The following VSIG10 variants were observed in gnomAD, a reference collection of about 807,000 sequenced individuals.
VSIG10 encodes the protein V-set and immunoglobulin domain-containing protein 10.
Under a neutral mutation model 58.7 loss-of-function variants are expected in VSIG10, and 48 were observed. The ratio of observed to expected loss-of-function variants is 0.82; its 90% CI spans 0.65 to 1.04. The LOEUF is 1.04. Among genes scored for constraint, VSIG10 ranks in the 50% least tolerant of loss-of-function variants. VSIG10 has a pLI of 0.00. For missense variants in VSIG10, 628 were observed against 670.0 expected (o/e 0.94, Z 0.69); for synonymous variants, 260 against 267.1 (o/e 0.97, Z 0.26).
intron 4 of VSIG10, 67 bp from the exon 5 acceptor site, chr12:118,074,059 G>GGAA (rs2032612948): frequency 6.7e-7 from 1 of 1,482,330 alleles, no homozygotes; most frequent in Non-Finnish European, 9.0e-7. Flanking sequence ...GAGATCTGCA[G>GGAA]GAAAACTGCA....
At chr12:118,073,028 T>A (rs2032561603) in intron 5 of VSIG10, among the ~76,000 whole-genome samples, 1 of 152,304 alleles carries the variant, frequency 6.6e-6, no homozygotes, top group Admixed American at 6.5e-5. Context: ...CAAGCTGAAG[T>A]GCAGTGGTGT....
rs771151263 is a variant in VSIG10 at position 118,082,143 on chromosome 12, G to A, written c.648C>T (p.Thr216=). The change falls in exon 3 of 9, where the codon ACC becomes ACT. Residue 216 remains threonine (T), a synonymous_variant. Coordinates refer to ENST00000359236, the MANE Select transcript of VSIG10 (RefSeq NM_019086.6). ...QLSKRHRKVT[T]ELLVYYPPPS... is the part of the protein sequence containing the mutation. ...CTTACGCACAGTAGACCAGGAGCTC[G>A]GTGGTCACCTTTCGATGTCTCTTGC... 52 of 1,613,554 alleles carry A rather than the reference G, an allele frequency of 3.2e-5. No individual in the cohort carries two copies. The East Asian group carries it at 8.9e-4, about 28-fold the overall frequency.
chr12:118,096,437 G>A (rs190992271), intron 1 of VSIG10, among the ~76,000 whole-genome samples: 11 of 151,960 alleles, frequency 7.2e-5, no homozygotes, highest in Middle Eastern at 6.8e-3. Context: ...AATCAGCTGG[G>A]CGTGGTAGCA....
chr12:118,095,920 GTTCT>G (rs2033438840), intron 1 of VSIG10, 106 bp from the exon 2 acceptor site: 4 of 749,600 alleles, frequency 5.3e-6, no homozygotes, highest in Admixed American at 4.0e-5. Context: ...TCAGGTATAT[GTTCT>G]TTTTTTTTTT....
At chr12:118,091,742 TTTATTA>T (rs748680926) in intron 2 of VSIG10, among the ~76,000 whole-genome samples, 5 of 151,842 alleles carry the variant, frequency 3.3e-5, no homozygotes, top group African/African-American at 1.2e-4. Context: ...ATTTCCCTAT[TTTATTA>T]TTATTATTAT....
chr12:118,080,327 T>TC (rs1402250075), intron 3 of VSIG10, among the ~76,000 whole-genome samples: 1 of 151,530 alleles, frequency 6.6e-6, no homozygotes, highest in Admixed American at 6.6e-5. Context: ...ATTTATTTTT[T>TC]CATTTTTTTT....
chr12:118,073,818 C>T lies in VSIG10; in HGVS notation c.1100G>A (p.Gly367Asp), dbSNP rs1593498756. The stretch of plus-strand genomic sequence containing the variant: ...GTGGATAGTGAGGGTGGAGTTCTGG[C>T]CATCCTGGGTAATGAGATGGCGGCT... ...PSSRHLITQD[G>D]QNSTLTIHNC... Residue 367 changes from glycine (G) to aspartate (D), a missense_variant, in exon 5 of 9, where the codon GGC becomes GAC. Gly to Asp is a moderately conservative substitution (Grantham distance 94, BLOSUM62 -1). Coordinates refer to ENST00000359236, the MANE Select transcript of VSIG10 (RefSeq NM_019086.6). 4.3e-6 allele frequency: 7 copies of T among 1,613,914 alleles called. No individual in the cohort carries two copies. The highest frequency in any genetic ancestry group is 5.9e-6 in the Non-Finnish European group (7 of 1,179,884).
chr12:118,066,570 A>G lies in VSIG10; in HGVS notation c.*69T>C. 3 of 1,567,956 alleles carry G rather than the reference A, an allele frequency of 1.9e-6. No homozygotes were observed. The highest frequency in any genetic ancestry group is 2.6e-6 in the Non-Finnish European group (3 of 1,138,092). ...GGGGTGCAGGTGGAGTCAAAGCTGA[A>G]TGAAGAGCTCGTCTTCAATGTAGCT... On this transcript the variant is annotated 3_prime_UTR_variant, in exon 9 of 9. Transcript: ENST00000359236.
At chr12:118,086,073 G>A (rs542959115) in intron 2 of VSIG10, among the ~76,000 whole-genome samples, 92 of 150,948 alleles carry the variant, frequency 6.1e-4, no homozygotes, top group African/African-American at 2.2e-3. Context: ...CAGGAGAATC[G>A]CTTGAACCCG....
chr12:118,097,356 G>A (rs980703722), intron 1 of VSIG10, among the ~76,000 whole-genome samples: 26 of 152,218 alleles, frequency 1.7e-4, no homozygotes, highest in African/African-American at 6.0e-4. Flanking sequence ...GCTCATGCCT[G>A]TAATTCCAGC....
At chr12:118,077,495 C>T (rs568718700) in intron 4 of VSIG10, among the ~76,000 whole-genome samples, 50 of 152,224 alleles carry the variant, frequency 3.3e-4, no homozygotes, top group Non-Finnish European at 5.9e-4. Context: ...AGAATATAAG[C>T]TCTGTGAAAG....
chr12:118,079,151 A>G (rs1378685905), intron 4 of VSIG10, among the ~76,000 whole-genome samples, 195 bp downstream of exon 4: 1 of 152,132 alleles, frequency 6.6e-6, no homozygotes, highest in African/African-American at 2.4e-5. Flanking sequence ...TGGGACTAGA[A>G]TGAAGAAGCT....
At chr12:118,082,041 C>CAA in intron 3 of VSIG10, 86 bp downstream of exon 3, 1 of 783,816 alleles carries the variant, frequency 1.3e-6, no homozygotes, top group Non-Finnish European at 1.8e-6. Flanking sequence ...AAAAAAAAGA[C>CAA]AAATGGGAGA....
intron 2 of VSIG10, among the ~76,000 whole-genome samples, chr12:118,085,269 T>C (rs968867034): frequency 1.3e-5 from 2 of 152,194 alleles, no homozygotes; most frequent in South Asian, 2.1e-4. Context: ...TGAGATTCCC[T>C]TTCTTGGAAG....
intron 2 of VSIG10, among the ~76,000 whole-genome samples, chr12:118,084,916 G>C (rs1319392001): frequency 6.6e-6 from 1 of 152,214 alleles, no homozygotes; most frequent in African/African-American, 2.4e-5. Context: ...CTACTCTGGA[G>C]GCTGAGGCAG....
chr12:118,080,247 G>A (rs1038052776), intron 3 of VSIG10, among the ~76,000 whole-genome samples: 1 of 151,160 alleles, frequency 6.6e-6, no homozygotes, highest in Non-Finnish European at 1.5e-5. Context: ...TGATCCACCC[G>A]CCTCAGCCTC....
At chr12:118,096,519 G>A (rs1203187332) in intron 1 of VSIG10, among the ~76,000 whole-genome samples, 22 of 150,872 alleles carry the variant, frequency 1.5e-4, no homozygotes, top group East Asian at 4.0e-4. Context: ...CAGAGGTTGC[G>A]CTGAGCCGAG....
intron 4 of VSIG10, among the ~76,000 whole-genome samples, chr12:118,076,556 T>C (rs1053013978): frequency 1.2e-4 from 18 of 152,076 alleles, no homozygotes; most frequent in African/African-American, 4.3e-4. Flanking sequence ...CAGGCTGGTC[T>C]CAAACTCCTG....
intron 1 of VSIG10, among the ~76,000 whole-genome samples, chr12:118,100,190 T>G (rs2033587037): frequency 6.6e-6 from 1 of 151,806 alleles, no homozygotes; most frequent in Non-Finnish European, 1.5e-5. Context: ...GCCAACATGG[T>G]GAAACCTCAT....
Sources: allele counts gnomAD v4.1 joint callset (sites outside exome capture counted in the v4.1 genomes callset), GRCh38; gene constraint gnomAD v4.1.1; transcripts MANE v1.5; gene names NCBI Gene and HGNC (gene_info 2026-07-23, HGNC 2026-07-21).